The following SYT9 variants were observed in gnomAD, a reference collection of about 807,000 sequenced individuals.
The protein encoded by SYT9 is synaptotagmin-9.
Under a neutral mutation model 48.4 loss-of-function variants are expected in SYT9, and 22 were observed. That is an observed-to-expected ratio of 0.45 (90% confidence interval 0.32 to 0.65). The LOEUF (loss-of-function observed/expected upper bound fraction) is 0.65. Ranked by LOEUF, SYT9 falls within the 30% of genes least tolerant of loss-of-function variation. The probability of loss-of-function intolerance (pLI) is 0.03; values close to 1 mark genes in which losing one functional copy is unlikely to be tolerated. For missense variants in SYT9, 577 were observed against 622.0 expected, an observed-to-expected ratio of 0.93 and a Z score of 0.77; for synonymous variants, 265 against 245.0, an observed-to-expected ratio of 1.08 and a Z score of -0.76.
intron 1 of SYT9, among the ~76,000 whole-genome samples, chr11:7,271,797 C>G (rs545057153): frequency 6.6e-6 from 1 of 152,224 alleles, no homozygotes; most frequent in South Asian, 2.1e-4. Flanking sequence ...AGGAGGGTCT[C>G]AATCTCCTGA....
At chr11:7,440,509 T>G (rs1847811319) in intron 6 of SYT9, 1 of 152,172 alleles carries the variant, frequency 6.6e-6, no homozygotes, top group African/African-American at 2.4e-5. Flanking sequence ...CAATGTTGAG[T>G]AAGGCGCCAT....
At chr11:7,257,150 A>G (rs1236078254) in intron 1 of SYT9, among the ~76,000 whole-genome samples, 1 of 152,176 alleles carries the variant, frequency 6.6e-6, no homozygotes, top group East Asian at 1.9e-4. Context: ...CTTTGAGACC[A>G]TTGGGCAAAG....
intron 6 of SYT9, chr11:7,435,250 G>A (rs1225201771): frequency 6.6e-6 from 1 of 152,246 alleles, no homozygotes; most frequent in African/African-American, 2.4e-5. Context: ...CGCTGTTATA[G>A]AGAAATCACT....
At chr11:7,413,526 G>A (rs1847180003) in intron 3 of SYT9, among the ~76,000 whole-genome samples, 1 of 152,124 alleles carries the variant, frequency 6.6e-6, no homozygotes, top group Admixed American at 6.5e-5. Flanking sequence ...TGGACCCTGG[G>A]AGGTCTCTCA....
At chr11:7,458,638 G>A (rs1848192493) in intron 6 of SYT9, among the ~76,000 whole-genome samples, 1 of 152,202 alleles carries the variant, frequency 6.6e-6, no homozygotes, top group Non-Finnish European at 1.5e-5. Flanking sequence ...TGAAGGAGGT[G>A]AGGGAGCAAG....
chr11:7,323,006 A>G (rs1035417872), intron 3 of SYT9, among the ~76,000 whole-genome samples: 3 of 152,168 alleles, frequency 2.0e-5, no homozygotes, highest in African/African-American at 7.2e-5. Context: ...ATGTTCATGT[A>G]CATAACTAGT....
chr11:7,247,616 CGT>C (rs1491192607), upstream of SYT9, among the ~76,000 whole-genome samples: 1 of 129,558 alleles, frequency 7.7e-6, no homozygotes, highest in South Asian at 2.4e-4. Context: ...TACATATATA[CGT>C]GTATATATAC....
intron 3 of SYT9, among the ~76,000 whole-genome samples, chr11:7,409,964 T>C (rs11525407): frequency 0.2 from 30,682 of 152,082 alleles, 4,649 homozygotes; most frequent in African/African-American, 0.42. Context: ...CTTTCTACTT[T>C]TTTGATGTAG....
At chr11:7,425,894 G>T (rs1340682392) in intron 6 of SYT9, among the ~76,000 whole-genome samples, 2 of 152,116 alleles carry the variant, frequency 1.3e-5, no homozygotes, top group Non-Finnish European at 2.9e-5. Flanking sequence ...TCATGTCTCA[G>T]TGTCTCTGAG....
intron 3 of SYT9, among the ~76,000 whole-genome samples, chr11:7,346,523 ATGTCTC>A (rs1849804171): frequency 6.6e-6 from 1 of 152,180 alleles, no homozygotes; most frequent in Non-Finnish European, 1.5e-5. Context: ...AGCCCTTCTG[ATGTCTC>A]TGTCTTCTCT....
At chr11:7,292,607 T>C (rs913839878) in intron 1 of SYT9, among the ~76,000 whole-genome samples, 3 of 152,248 alleles carry the variant, frequency 2.0e-5, no homozygotes, top group Non-Finnish European at 2.9e-5. Flanking sequence ...TGTTGACCTC[T>C]TTGGCCTGTC....
At chr11:7,322,660 G>C (rs913464418) in intron 3 of SYT9, among the ~76,000 whole-genome samples, 1 of 152,136 alleles carries the variant, frequency 6.6e-6, no homozygotes. Flanking sequence ...CCAGGACAAA[G>C]TGTTTGGTTT....
chr11:7,398,995 C>T (rs1326646992), intron 3 of SYT9, among the ~76,000 whole-genome samples: 1 of 152,042 alleles, frequency 6.6e-6, no homozygotes, highest in Non-Finnish European at 1.5e-5. Context: ...CATATAGGGC[C>T]AAGACATATG....
chr11:7,406,748 T>G (rs1349582838), intron 3 of SYT9, among the ~76,000 whole-genome samples: 4 of 152,030 alleles, frequency 2.6e-5, no homozygotes, highest in Non-Finnish European at 5.9e-5. Flanking sequence ...AGTTCTATTT[T>G]TAGTTTTTGG....
chr11:7,268,698 A>G (rs1163042926), intron 1 of SYT9, among the ~76,000 whole-genome samples: 1 of 151,970 alleles, frequency 6.6e-6, no homozygotes, highest in Non-Finnish European at 1.5e-5. Context: ...ATTTTTCTCT[A>G]TCTCCAGTCA....
intron 6 of SYT9, chr11:7,427,891 A>G (rs564745480): frequency 6.6e-6 from 1 of 152,318 alleles, no homozygotes; most frequent in South Asian, 2.1e-4. Context: ...ATTTGTGTCA[A>G]TTGCTGTAAG....
chr11:7,447,627 T>C (rs1170804955), intron 6 of SYT9, among the ~76,000 whole-genome samples: 1 of 152,254 alleles, frequency 6.6e-6, no homozygotes, highest in African/African-American at 2.4e-5. Context: ...GAATCAACTA[T>C]GAGTTCCCTG....
In SYT9 at chr11:7,408,821, T is replaced by C. The variant is rs12422011; in HGVS notation, c.1045-7221T>C. On this transcript the variant is annotated intron_variant, in intron 3 of 6. Coordinates refer to ENST00000318881, the MANE Select transcript of SYT9 (RefSeq NM_175733.4). The stretch of plus-strand genomic sequence containing the variant: ...GGATGCCTTTTATTTTATTATTTCA[T>C]TTTTTTTAATTTGTTTTCCTCAGAG... Among the ~76,000 whole-genome samples, 948 of 152,146 alleles carry C rather than the reference T, an allele frequency of 6.2e-3. 6 individuals are homozygous for C. Among genetic ancestry groups the C allele is most frequent in the South Asian group, 0.015 (70 of 4,818 alleles).
At chr11:7,355,760 A>G (rs1850009962) in intron 3 of SYT9, among the ~76,000 whole-genome samples, 1 of 152,252 alleles carries the variant, frequency 6.6e-6, no homozygotes, top group African/African-American at 2.4e-5. Context: ...AGTCTTATCA[A>G]GGTTAAGTGG....
Sources: gnomAD v4.1 joint callset for allele counts (sites outside exome capture counted in the v4.1 genomes callset) on GRCh38, gnomAD v4.1.1 for gene constraint, MANE v1.5 for transcripts, NCBI Gene and HGNC (gene_info 2026-07-23, HGNC 2026-07-21) for gene names.